Variants in SZT2 observed in about 807,000 individuals in gnomAD.
SZT2 encodes SZT2 subunit of KICSTOR complex, also known as KICSTOR complex protein SZT2.
SZT2 carries 216 observed loss-of-function variants against 404.2 expected under a neutral mutation model. The ratio of observed to expected loss-of-function variants is 0.53; its 90% CI spans 0.48 to 0.60. The LOEUF (loss-of-function observed/expected upper bound fraction) is 0.60. Among genes scored for constraint, SZT2 ranks in the 20% least tolerant of loss-of-function variants. SZT2 has a pLI of 0.00. For synonymous variants in SZT2, 1,693 were observed against 1,749.9 expected, an observed-to-expected ratio of 0.97 and a Z score of 0.81; for missense variants, 3,857 against 4,459.2, an observed-to-expected ratio of 0.86 and a Z score of 3.85.
chr1:43,418,047 G>A (rs984425051), intron 7 of SZT2, among the ~76,000 whole-genome samples: 1 of 152,150 alleles, frequency 6.6e-6, no homozygotes, highest in Non-Finnish European at 1.5e-5. Context: ...AATGAAAAGT[G>A]CCCTTTGGAT....
chr1:43,408,258 T>C (rs142121615), intron 4 of SZT2, among the ~76,000 whole-genome samples: 42 of 152,118 alleles, frequency 2.8e-4, no homozygotes, highest in Middle Eastern at 3.4e-3. Flanking sequence ...CGTGATTTTA[T>C]GTCCTGTTTT....
At position 43,435,430 on chromosome 1, in the gene SZT2, G is replaced by T. The variant is rs1003009127; in HGVS notation, c.6034+101G>T. The T allele has an allele frequency of 3.7e-6, 5 of 1,366,502 alleles. No homozygotes were observed. The African/African-American group carries it at 7.1e-5, about 20-fold the overall frequency. 84.6% of individuals were successfully genotyped at this position (1,366,502 alleles called of 1,614,324 possible). ...CTGAGGGCAGAGTCCTCATTACTTG[G>T]TCATCAGTGCCAAGTACTAGAGAGA... is the stretch of plus-strand genomic sequence containing the variant. On this transcript the variant is annotated intron_variant, in intron 42 of 71. Transcript: ENST00000634258.
intron 42 of SZT2, 89 bp downstream of exon 42, chr1:43,435,418 C>T (rs1187607649): frequency 1.4e-6 from 2 of 1,469,246 alleles, no homozygotes; most frequent in Non-Finnish European, 1.8e-6. Context: ...AGGGCAGAGT[C>T]CTCATTACTT....
At chr1:43,390,438 G>GA (rs981491319) in intron 1 of SZT2, among the ~76,000 whole-genome samples, 34 of 152,244 alleles carry the variant, frequency 2.2e-4, no homozygotes, top group African/African-American at 7.5e-4. Context: ...TTAATTTCAT[G>GA]AAAAAAACAT....
chr1:43,444,446 A>G (rs1163775283), intron 62 of SZT2, among the ~76,000 whole-genome samples: 1 of 152,036 alleles, frequency 6.6e-6, no homozygotes, highest in East Asian at 1.9e-4. Context: ...TCTAGGACTT[A>G]ATGATTCCTG....
chr1:43,439,906 A>T lies in SZT2; in HGVS notation c.7068A>T (p.Arg2356=). ...SSAQNGAPRL[R]LDVWEKGNIS... is the part of the protein sequence containing the mutation. Reference sequence around the variant, plus strand: ...CTCAGAATGGGGCCCCACGGCTTCGATTGGATGTGTGGGAAAAGGGGAACA... The same window carrying T: ...CTCAGAATGGGGCCCCACGGCTTCGTTTGGATGTGTGGGAAAAGGGGAACA... Residue 2356 remains arginine (R), a synonymous_variant, in exon 51 of 72, where the codon CGA becomes CGT. Coordinates refer to ENST00000634258, the MANE Select transcript of SZT2 (RefSeq NM_001365999.1). This position sits in a 1 kb window ranked among gnomAD's most constrained non-coding sequence, Gnocchi z 4.2. 1 of 1,607,412 alleles carries T rather than the reference A, an allele frequency of 6.2e-7. No homozygotes were observed. The highest frequency in any genetic ancestry group is 8.5e-7 in the Non-Finnish European group (1 of 1,176,420).
Position 43,450,437 on chromosome 1 carries a change from T to TC in SZT2, c.10257dup (p.Ile3420HisfsTer27). The TC allele has an allele frequency of 6.2e-7, 1 of 1,614,014 alleles. No individual in the cohort carries two copies. Among genetic ancestry groups the TC allele is most frequent in the Non-Finnish European group, 8.5e-7 (1 of 1,179,964 alleles). On this transcript the variant is annotated frameshift_variant, in exon 72 of 72. Transcript: ENST00000634258. LOFTEE classifies it high-confidence loss of function. The surrounding 1 kb of genome is among the most constrained non-coding windows in gnomAD (Gnocchi z 4.3). Reference sequence around the variant, plus strand: ...TCCACCTACCACCACCTGGAGTCTGTCATCAACACAGCCTGTTTCACCCTC... The same window carrying TC: ...TCCACCTACCACCACCTGGAGTCTGTCCATCAACACAGCCTGTTTCACCCTC...
chr1:43,446,766 C>A, intron 65 of SZT2, 189 bp from the exon 66 acceptor site: 1 of 651,724 alleles, frequency 1.5e-6, no homozygotes, highest in Non-Finnish European at 2.6e-6. Context: ...GAGATAGTTA[C>A]AATACAGTAT....
chr1:43,420,682 A>G lies in SZT2; in HGVS notation c.1262-67A>G. On this transcript the variant is annotated intron_variant, in intron 9 of 71. Transcript: ENST00000634258. This position sits in a 1 kb window ranked among gnomAD's most constrained non-coding sequence, Gnocchi z 5.1. ...TCCATGAGGTAGGTGGGGGTTTCAG[A>G]TAGAACTCGATCCCAGGCCTAGAGT... 1 of 1,470,300 alleles carries G rather than the reference A, an allele frequency of 6.8e-7. No homozygotes were observed. The highest frequency in any genetic ancestry group is 1.8e-5 in the Admixed American group (1 of 55,708). 91.1% of individuals were successfully genotyped at this position (1,470,300 alleles called of 1,614,324 possible).
chr1:43,445,263 A>T (rs1254015535), intron 62 of SZT2: 1 of 152,388 alleles, frequency 6.6e-6, no homozygotes, highest in East Asian at 1.9e-4. Context: ...ATCACCAATC[A>T]CTAAGTCTTG....
intron 38 of SZT2, 21 bp from the exon 39 acceptor site, chr1:43,432,707 G>A (rs1218946001): frequency 4.3e-6 from 7 of 1,613,692 alleles, no homozygotes; most frequent in African/African-American, 1.3e-5. Flanking sequence ...GAGGCTCCAG[G>A]CATTTTCCTT....
In SZT2 at chr1:43,389,949, C is replaced by T; in HGVS notation, c.-20C>T. The T allele has an allele frequency of 6.8e-7, 1 of 1,461,072 alleles. No individual in the cohort carries two copies. Among genetic ancestry groups the T allele is most frequent in the South Asian group, 1.3e-5 (1 of 74,382 alleles). The allele number at this position is 1,461,072 out of a possible 1,614,324, so 90.5% of individuals were successfully genotyped here. A position where few individuals can be genotyped will look rare whatever the true frequency, so the allele number is the denominator to read the frequency against. On this transcript the variant is annotated 5_prime_UTR_variant, in exon 1 of 72. Coordinates refer to ENST00000634258, the MANE Select transcript of SZT2 (RefSeq NM_001365999.1). ...GTGGAACACCCTCACTGGCCCGGGCCGGCGCGGGAGGGCTGTGTGATGGCC... is the reference window on the plus strand; with the variant it reads ...GTGGAACACCCTCACTGGCCCGGGCTGGCGCGGGAGGGCTGTGTGATGGCC...
At chr1:43,413,725 ATT>A (rs1651356934) in intron 4 of SZT2, among the ~76,000 whole-genome samples, 2 of 71,886 alleles carry the variant, frequency 2.8e-5, no homozygotes, top group Non-Finnish European at 8.4e-5. Flanking sequence ...TTGGCATGTT[ATT>A]TATTTGTGAG....
chr1:43,447,507 G>T lies in SZT2; in HGVS notation c.9287-38G>T, dbSNP rs777221034. The stretch of plus-strand genomic sequence containing the variant: ...CCACCAGACCAGTGTGTCTGTCCTA[G>T]GCTTAGTGTCTGCTGTCTCCTGTTA... On this transcript the variant is annotated intron_variant, in intron 66 of 71. Transcript: ENST00000634258. 11 of 1,606,446 alleles carry T rather than the reference G, an allele frequency of 6.8e-6. 1 individual carries two copies. Among genetic ancestry groups the T allele is most frequent in the Middle Eastern group, 3.3e-4 (2 of 6,032 alleles).
chr1:43,415,584 C>T (rs1325960444), intron 5 of SZT2, among the ~76,000 whole-genome samples: 1 of 152,144 alleles, frequency 6.6e-6, no homozygotes, highest in East Asian at 1.9e-4. Flanking sequence ...TTGGGTACCC[C>T]AGAAGTAGCC....
Position 43,453,454 on chromosome 1 carries a change from C to G in SZT2, c.*2974C>G. ...GTCCCTCTCGGAAGGCCGCCTGTCT[C>G]CCGGGGACGGCCCCCAGCCCCATTT... On this transcript the variant is annotated 3_prime_UTR_variant, in exon 72 of 72. Transcript: ENST00000634258. 1 of 1,564,102 alleles carries G rather than the reference C, an allele frequency of 6.4e-7. No homozygotes were observed. The highest frequency in any genetic ancestry group is 8.7e-7 in the Non-Finnish European group (1 of 1,153,204).
At position 43,432,399 on chromosome 1, in the gene SZT2, G is replaced by C. The variant is rs1174486411; in HGVS notation, c.5402G>C (p.Trp1801Ser). 1 of 1,592,298 alleles carries C rather than the reference G, an allele frequency of 6.3e-7. No individual in the cohort carries two copies. Among genetic ancestry groups the C allele is most frequent in the Non-Finnish European group, 8.5e-7 (1 of 1,171,008 alleles). The change falls in exon 37 of 72, where the codon TGG (tryptophan) becomes TCG (serine). Residue 1801 changes from tryptophan to serine, a missense_variant. Transcript: ENST00000634258. The part of the protein sequence containing the change: ...HGEPSSAAWA[W>S]HSHEDRAEGI... The stretch of plus-strand genomic sequence containing the variant: ...GAGCCTTCTTCAGCGGCCTGGGCTT[G>C]GCACAGTCATGAGGACAGGGCTGAA...
Position 43,441,528 on chromosome 1 carries a change from G to A in SZT2, c.7536G>A (p.Glu2512=), listed in dbSNP as rs1054588581. The change falls in exon 54 of 72, where the codon GAG becomes GAA. Residue 2512 remains glutamate, a synonymous_variant. Transcript: ENST00000634258. This position sits in a 1 kb window ranked among gnomAD's most constrained non-coding sequence, Gnocchi z 4.8. ...RQKRRTTQLE[E]GEVGTLHPVF... The stretch of plus-strand genomic sequence containing the variant: ...GGCGCCGGACAACACAGCTAGAAGA[G>A]GGTGAGGTGGGGACCCTTCATCCTG... 1 of 1,614,018 alleles carries A rather than the reference G, an allele frequency of 6.2e-7. No homozygotes were observed. Among genetic ancestry groups the A allele is most frequent in the Non-Finnish European group, 8.5e-7 (1 of 1,180,004 alleles).
chr1:43,439,135 T>C lies in SZT2; in HGVS notation c.6792+42T>C, dbSNP rs1199056077. ...CTCTCTCCACACTCATGTGCACCCC[T>C]GCCCCCTGCCCCACGCACTTACTCT... On this transcript the variant is annotated intron_variant, in intron 48 of 71. Transcript: ENST00000634258. This position sits in a 1 kb window ranked among gnomAD's most constrained non-coding sequence, Gnocchi z 4.2. 6.2e-7 allele frequency: 1 copy of C among 1,611,362 alleles called. No homozygotes were observed. Among genetic ancestry groups the C allele is most frequent in the Non-Finnish European group, 8.5e-7 (1 of 1,178,156 alleles).
Sources: gnomAD v4.1 joint callset for allele counts (sites outside exome capture counted in the v4.1 genomes callset) on GRCh38, gnomAD v4.1.1 for gene constraint, Gnocchi (gnomAD v3.1) non-coding constraint, MANE v1.5 for transcripts, NCBI Gene and HGNC (gene_info 2026-07-23, HGNC 2026-07-21) for gene names.